The following GALNTL6 variants were observed in gnomAD, a reference collection of about 807,000 sequenced individuals.
GALNTL6 encodes the protein polypeptide N-acetylgalactosaminyltransferase-like 6.
In GALNTL6, 46 loss-of-function variants were observed where a neutral mutation model predicts 73.7. The observed-to-expected ratio is 0.62, with a 90% CI of 0.49 to 0.80. The LOEUF (loss-of-function observed/expected upper bound fraction) is 0.80, where lower values mean the gene tolerates loss of function less well. Among genes scored for constraint, GALNTL6 ranks in the 30% least tolerant of loss-of-function variants. GALNTL6 has a pLI of 0.00. For missense variants in GALNTL6, 604 were observed against 755.0 expected (o/e 0.80, Z 2.34); for synonymous variants, 259 against 263.7 (o/e 0.98, Z 0.17).
chr4:171,923,076 G>T (rs1737843313), intron 2 of GALNTL6, among the ~76,000 whole-genome samples: 1 of 152,046 alleles, frequency 6.6e-6, no homozygotes, highest in South Asian at 2.1e-4. Context: ...TATTTATATA[G>T]AGAGAGGATA....
chr4:172,726,688 G>A (rs1246778132), intron 5 of GALNTL6, among the ~76,000 whole-genome samples: 1 of 152,196 alleles, frequency 6.6e-6, no homozygotes, highest in Non-Finnish European at 1.5e-5. Flanking sequence ...GAAAATAATG[G>A]AAGCTTATCA....
At chr4:172,418,747 G>C (rs1371795252) in intron 5 of GALNTL6, among the ~76,000 whole-genome samples, 3 of 152,070 alleles carry the variant, frequency 2.0e-5, no homozygotes, top group Admixed American at 2.0e-4. Flanking sequence ...CGATACATGG[G>C]TTTAACAAAT....
intron 2 of GALNTL6, among the ~76,000 whole-genome samples, chr4:172,014,644 T>C (rs1348822133): frequency 3.3e-5 from 5 of 152,118 alleles, no homozygotes. Flanking sequence ...GGCGTCAGAT[T>C]GTCTATTTGT....
At chr4:172,622,296 C>T (rs1027658371) in intron 5 of GALNTL6, among the ~76,000 whole-genome samples, 1 of 152,064 alleles carries the variant, frequency 6.6e-6, no homozygotes, top group African/African-American at 2.4e-5. Context: ...CTCAAAAGAT[C>T]TCATTTGATG....
intron 2 of GALNTL6, among the ~76,000 whole-genome samples, chr4:172,203,892 A>T (rs1327842250): frequency 1.3e-5 from 2 of 152,062 alleles, no homozygotes. Flanking sequence ...GATTACAGGC[A>T]TGTGTCACCA....
chr4:172,961,568 C>T (rs556521692), intron 10 of GALNTL6, among the ~76,000 whole-genome samples: 95 of 152,272 alleles, frequency 6.2e-4, no homozygotes, highest in Admixed American at 1.3e-3. Flanking sequence ...CTTCCCAAGT[C>T]CGTGACCGGC....
intron 2 of GALNTL6, among the ~76,000 whole-genome samples, chr4:172,066,535 C>CT (rs34015763): frequency 0.45 from 64,150 of 141,692 alleles, 14,669 homozygotes; most frequent in East Asian, 0.76. Context: ...CTGACCTGGA[C>CT]TTTTTTTTTT....
At chr4:172,941,854 C>T (rs998582947) in intron 9 of GALNTL6, among the ~76,000 whole-genome samples, 12 of 152,230 alleles carry the variant, frequency 7.9e-5, no homozygotes, top group Non-Finnish European at 1.0e-4. Flanking sequence ...ATGGGAGCAC[C>T]TGGATGGTAG....
At chr4:172,077,972 C>T (rs1731755028) in intron 2 of GALNTL6, among the ~76,000 whole-genome samples, 2 of 152,090 alleles carry the variant, frequency 1.3e-5, no homozygotes, top group South Asian at 4.1e-4. Context: ...TAAAAGGGAC[C>T]AAGGTACAGC....
chr4:172,566,194 C>T (rs1736549062), intron 5 of GALNTL6, among the ~76,000 whole-genome samples: 1 of 152,114 alleles, frequency 6.6e-6, no homozygotes. Context: ...ATTTAGTACA[C>T]CTAACATACA....
intron 5 of GALNTL6, among the ~76,000 whole-genome samples, chr4:172,765,780 A>G (rs1224288029): frequency 6.6e-6 from 1 of 152,118 alleles, no homozygotes; most frequent in Admixed American, 6.6e-5. Context: ...GTTTCTAGAT[A>G]TCTCTTCATA....
intron 7 of GALNTL6, among the ~76,000 whole-genome samples, chr4:172,872,375 A>C (rs1378197518): frequency 2.6e-5 from 4 of 152,234 alleles, no homozygotes; most frequent in African/African-American, 9.6e-5. Context: ...CCCCTCAATT[A>C]GGACAAATTA....
At chr4:172,962,576 T>C (rs1750133852) in intron 10 of GALNTL6, among the ~76,000 whole-genome samples, 1 of 152,104 alleles carries the variant, frequency 6.6e-6, no homozygotes, top group Non-Finnish European at 1.5e-5. Context: ...GAATGCAGAC[T>C]CGGTGGTTCT....
At chr4:172,700,277 T>A (rs56930076) in intron 5 of GALNTL6, among the ~76,000 whole-genome samples, 19,651 of 152,136 alleles carry the variant, frequency 0.13, 1,360 homozygotes, top group East Asian at 0.21. Context: ...ATGACAATTA[T>A]TGTTGAAGAA....
chr4:171,892,565 C>T (rs1447431086), intron 2 of GALNTL6, among the ~76,000 whole-genome samples: 1 of 151,978 alleles, frequency 6.6e-6, no homozygotes, highest in Non-Finnish European at 1.5e-5. Context: ...ATAATAATTA[C>T]AAATAACGTT....
intron 2 of GALNTL6, among the ~76,000 whole-genome samples, chr4:172,054,716 A>T (rs1301304537): frequency 3.9e-5 from 6 of 152,192 alleles, no homozygotes; most frequent in Non-Finnish European, 7.4e-5. Flanking sequence ...GAGGGAACAT[A>T]AACATTCAGT....
rs546352993 is a variant in GALNTL6, at chr4:171,829,667, C to T, written c.138+14949C>T. On this transcript the variant is annotated intron_variant, in intron 2 of 12. Coordinates refer to ENST00000506823, the MANE Select transcript of GALNTL6 (RefSeq NM_001034845.3). ...TCTCCCATGTTTGCATTAGATACAA[C>T]AGTTTGATGTTATATCTTCTTTTTC... Among the ~76,000 whole-genome samples, 7 of 152,190 alleles carry T rather than the reference C, an allele frequency of 4.6e-5. No individual in the cohort carries two copies. In the South Asian group the frequency reaches 1.5e-3, roughly 32 times the overall value.
intron 2 of GALNTL6, among the ~76,000 whole-genome samples, chr4:172,151,976 A>G (rs200616525): frequency 1.0e-4 from 12 of 117,348 alleles, no homozygotes; most frequent in Non-Finnish European, 1.6e-4. Flanking sequence ...CTATCTATCT[A>G]TCTATCTATC....
chr4:172,935,436 A>G (rs187994980), intron 9 of GALNTL6, among the ~76,000 whole-genome samples: 1 of 152,242 alleles, frequency 6.6e-6, no homozygotes, highest in African/African-American at 2.4e-5. Context: ...AAATCAGAGC[A>G]GAACTGAAGG....
Sources: allele counts gnomAD v4.1 joint callset (sites outside exome capture counted in the v4.1 genomes callset), GRCh38; gene constraint gnomAD v4.1.1; transcripts MANE v1.5; gene names NCBI Gene and HGNC (gene_info 2026-07-23, HGNC 2026-07-21).